The following FGF13 variants were observed in gnomAD, a reference collection of about 807,000 sequenced individuals.
The protein encoded by FGF13 is fibroblast growth factor 13.
Under a neutral mutation model 19.5 loss-of-function variants are expected in FGF13, and 2 were observed. That is an observed-to-expected ratio of 0.10 (90% CI 0.04 to 0.32). The LOEUF (loss-of-function observed/expected upper bound fraction) is 0.32. Ranked by LOEUF, FGF13 falls within the 10% of genes least tolerant of loss-of-function variation. The pLI is 1.00. For synonymous variants in FGF13, 72 were observed against 76.9 expected, an observed-to-expected ratio of 0.94 and a Z score of 0.33; for missense variants, 113 against 192.7, an observed-to-expected ratio of 0.59 and a Z score of 2.45.
At chrX:138,846,252 G>A (rs1044944705) in intron 3 of FGF13, among the ~76,000 whole-genome samples, 2 of 106,549 alleles carry the variant, frequency 1.9e-5, no homozygotes, top group African/African-American at 6.8e-5. Context: ...GGCAACTAGC[G>A]ACCACAAAGG....
intron 3 of FGF13, among the ~76,000 whole-genome samples, chrX:138,770,457 C>A (rs761584691): frequency 9.2e-4 from 102 of 110,860 alleles, no homozygotes; most frequent in Non-Finnish European, 1.6e-3. Context: ...CCTTCCACCC[C>A]CTCTTGACTC....
At chrX:138,912,821 G>T (rs2091595228) in intron 1 of FGF13, among the ~76,000 whole-genome samples, 3 of 111,628 alleles carry the variant, frequency 2.7e-5, no homozygotes, top group African/African-American at 9.8e-5. Flanking sequence ...GGCAGTGGGG[G>T]TTGGGGAATG....
chrX:139,185,253 C>A (rs1445783894), intron 1 of FGF13, among the ~76,000 whole-genome samples: 1 of 112,080 alleles, frequency 8.9e-6, no homozygotes, highest in Non-Finnish European at 1.9e-5. Context: ...ATTCTACTAG[C>A]TAGAAGTTCA....
At chrX:138,808,639 CAATGA>C (rs2090892887) in intron 3 of FGF13, among the ~76,000 whole-genome samples, 1 of 110,550 alleles carries the variant, frequency 9.0e-6, no homozygotes, top group Non-Finnish European at 1.9e-5. Context: ...TTAAAAAAAT[CAATGA>C]ATCCAGGAGC....
chrX:138,814,073 A>G (rs2090944557), intron 3 of FGF13, among the ~76,000 whole-genome samples: 1 of 110,762 alleles, frequency 9.0e-6, no homozygotes, highest in Non-Finnish European at 1.9e-5. Context: ...TTCTCCATCC[A>G]TAAAGGAAAG....
chrX:138,711,079 C>CTTG lies in FGF13; in HGVS notation c.-79_-77dup. The CTTG allele has an allele frequency of 2.5e-6, 3 of 1,177,028 alleles. No homozygotes were observed. Among genetic ancestry groups the CTTG allele is most frequent in the Non-Finnish European group, 3.4e-6 (3 of 881,751 alleles). On this transcript the variant is annotated 5_prime_UTR_variant, in exon 1 of 5. Coordinates refer to ENST00000315930, the MANE Select transcript of FGF13 (RefSeq NM_004114.5). ...GCCTCCTCCTCCTTCTCCTCCGCTGCTTGTCCGCTGTCTCGCGACTTCGCC... is the reference window on the plus strand; with the variant it reads ...GCCTCCTCCTCCTTCTCCTCCGCTGCTTGTTGTCCGCTGTCTCGCGACTTCGCC...
In FGF13 at chrX:138,812,483, C is replaced by T. The variant is rs1396523776; in HGVS notation, c.217+45029G>A. Among the ~76,000 whole-genome samples, 4 of 110,923 alleles carry T rather than the reference C, an allele frequency of 3.6e-5. No individual in the cohort carries two copies. In the East Asian group the frequency reaches 1.1e-3, roughly 32 times the overall value. On this transcript the variant is annotated intron_variant, in intron 3 of 6. Transcript: ENST00000436198. ...TCATTTAAACTTTTTAAGTGGTTTA[C>T]CTCCAAATTTTTCCACTTTTGATGG...
chrX:139,080,058 C>CCACACACA (rs61341655), intron 1 of FGF13, among the ~76,000 whole-genome samples: 1,409 of 105,305 alleles, frequency 0.013, 30 homozygotes, highest in African/African-American at 0.047. Flanking sequence ...GAAAATATTA[C>CCACACACA]CACACACACA....
At chrX:138,970,657 T>C (rs763079995) in intron 1 of FGF13, among the ~76,000 whole-genome samples, 1 of 111,446 alleles carries the variant, frequency 9.0e-6, no homozygotes, top group African/African-American at 3.3e-5. Flanking sequence ...CCACGATATT[T>C]GCTAGTGACT....
At chrX:138,930,351 A>G (rs2091695795) in intron 1 of FGF13, among the ~76,000 whole-genome samples, 1 of 112,242 alleles carries the variant, frequency 8.9e-6, no homozygotes, top group African/African-American at 3.2e-5. Context: ...TATTTAGTAA[A>G]AGCAAAGTTT....
intron 3 of FGF13, among the ~76,000 whole-genome samples, chrX:138,849,845 A>T (rs1464243929): frequency 8.9e-6 from 1 of 111,803 alleles, no homozygotes; most frequent in East Asian, 2.8e-4. Flanking sequence ...TTTGATTTTG[A>T]CTTTTTAAAA....
intron 1 of FGF13, among the ~76,000 whole-genome samples, chrX:139,108,380 A>G (rs1010227117): frequency 1.8e-5 from 2 of 111,389 alleles, no homozygotes; most frequent in African/African-American, 6.5e-5. Flanking sequence ...CTGACATAGA[A>G]GAGTGCTGTG....
rs200095267 is a variant in FGF13, at chrX:139,028,670, AGAGT to A, written c.-112-164024_-112-164021del. On this transcript the variant is annotated intron_variant, in intron 1 of 2. Coordinates refer to the FGF13 transcript ENST00000421460. ...GTGTGTGAGAGAGAGAGAGAAAGAGAGAGTGTGTGTGAAAGACAGTGTGTGTGTG... is the reference window on the plus strand; with the variant it reads ...GTGTGTGAGAGAGAGAGAGAAAGAGAGTGTGTGAAAGACAGTGTGTGTGTG... 1.3e-3 allele frequency among the ~76,000 whole-genome samples: 66 copies of A among 49,830 alleles called. No homozygotes were observed. The East Asian group carries it at 0.024, about 18-fold the overall frequency. 43.3% of individuals were successfully genotyped at this position (49,830 alleles called of 115,157 possible).
At chrX:138,720,685 C>T (rs752677094) in intron 1 of FGF13, among the ~76,000 whole-genome samples, 3 of 111,340 alleles carry the variant, frequency 2.7e-5, no homozygotes, top group Non-Finnish European at 3.8e-5. Context: ...GGAATTGAAT[C>T]CAGCTTCAGA....
chrX:138,974,289 A>C (rs775697102), intron 1 of FGF13, among the ~76,000 whole-genome samples: 3 of 112,020 alleles, frequency 2.7e-5, no homozygotes, highest in Non-Finnish European at 5.6e-5. Context: ...AACTAAGGAA[A>C]CTATAATGTT....
intron 3 of FGF13, among the ~76,000 whole-genome samples, chrX:138,772,018 GTA>G (rs56411673): frequency 0.12 from 6,469 of 55,827 alleles, 303 homozygotes; most frequent in Non-Finnish European, 0.14. Flanking sequence ...ATACATATGT[GTA>G]TATATATATA....
chrX:138,625,635 G>GA lies in FGF13; in HGVS notation c.*7214dup, dbSNP rs1160348480. ...AAGTGAAATAAGCCAGATGAAAAAA[G>GA]AAAAAAATGCTACATGACATCCTTT... On this transcript the variant is annotated 3_prime_UTR_variant, in exon 5 of 5. Coordinates refer to ENST00000315930, the MANE Select transcript of FGF13 (RefSeq NM_004114.5). The GA allele has an allele frequency of 9.6e-6, 1 of 104,368 alleles. No homozygotes were observed. The highest frequency in any genetic ancestry group is 3.0e-4 in the East Asian group (1 of 3,364). 8.6% of individuals were successfully genotyped at this position (104,368 alleles called of 1,213,427 possible). A position where few individuals can be genotyped will look rare whatever the true frequency, so the allele number is the denominator to read the frequency against.
chrX:138,808,699 A>T (rs1190477525), intron 3 of FGF13, among the ~76,000 whole-genome samples: 2 of 110,857 alleles, frequency 1.8e-5, no homozygotes, highest in Non-Finnish European at 3.8e-5. Flanking sequence ...GATCACTAGC[A>T]AGACTAATAA....
At chrX:139,163,852 AT>A (rs2084056598) in intron 1 of FGF13, among the ~76,000 whole-genome samples, 2 of 111,625 alleles carry the variant, frequency 1.8e-5, no homozygotes, top group Admixed American at 9.6e-5. Context: ...GATGCTGTGC[AT>A]TAGAGATCCA....
Sources: allele counts gnomAD v4.1 joint callset (sites outside exome capture counted in the v4.1 genomes callset), GRCh38; gene constraint gnomAD v4.1.1; transcripts MANE v1.5; gene names NCBI Gene and HGNC (gene_info 2026-07-23, HGNC 2026-07-21).